The following OSMR variants were observed in gnomAD, a reference collection of about 807,000 sequenced individuals.
OSMR encodes oncostatin-M-specific receptor subunit beta.
Under a neutral mutation model 99.9 loss-of-function variants are expected in OSMR, and 81 were observed. The observed-to-expected ratio is 0.81, with a 90% CI of 0.68 to 0.97. The LOEUF is 0.97. Ranked by LOEUF, OSMR falls within the 50% of genes least tolerant of loss-of-function variation. The pLI is 0.00. For missense variants in OSMR, 1,099 were observed against 1,153.4 expected (o/e 0.95, Z 0.68); for synonymous variants, 406 against 410.4 (o/e 0.99, Z 0.13).
intron 7 of OSMR, among the ~76,000 whole-genome samples, chr5:38,903,090 A>G (rs1414201224): frequency 6.6e-6 from 1 of 152,214 alleles, no homozygotes; most frequent in African/African-American, 2.4e-5. Flanking sequence ...TTGTTCTGTC[A>G]GATTGAATCC....
intron 3 of OSMR, chr5:38,881,378 G>A: frequency 1.8e-6 from 1 of 543,864 alleles, no homozygotes; most frequent in Non-Finnish European, 2.4e-6. Flanking sequence ...AGACCATAGT[G>A]ATTGGAAGCT....
intron 1 of OSMR, among the ~76,000 whole-genome samples, chr5:38,863,020 C>T (rs967067824): frequency 6.6e-6 from 1 of 152,052 alleles, no homozygotes; most frequent in South Asian, 2.1e-4. Flanking sequence ...AAAAACCAGT[C>T]AGGCGTGGCG....
chr5:38,866,770 C>T (rs11957279), intron 1 of OSMR, among the ~76,000 whole-genome samples: 3,110 of 152,252 alleles, frequency 0.02, 120 homozygotes, highest in African/African-American at 0.072. Context: ...AATGCCATCA[C>T]ACAGGCTCCA....
intron 15 of OSMR, among the ~76,000 whole-genome samples, chr5:38,928,680 G>A (rs1746583025): frequency 6.6e-6 from 1 of 152,032 alleles, no homozygotes; most frequent in African/African-American, 2.4e-5. Flanking sequence ...AATTTGGGTG[G>A]GGACACAGCC....
intron 7 of OSMR, 196 bp from the exon 8 acceptor site, chr5:38,903,686 C>A: frequency 3.0e-6 from 2 of 656,828 alleles, no homozygotes; most frequent in Non-Finnish European, 3.8e-6. Flanking sequence ...TTGTTCAATG[C>A]ATGCAGTAGA....
intron 11 of OSMR, chr5:38,919,651 A>G (rs987352433): frequency 7.0e-6 from 2 of 284,010 alleles, no homozygotes; most frequent in East Asian, 9.5e-5. Context: ...AAAAGAGTCA[A>G]CCCCACAGTT....
chr5:38,927,126 TG>T (rs1746508754), intron 15 of OSMR, among the ~76,000 whole-genome samples: 1 of 152,238 alleles, frequency 6.6e-6, no homozygotes, highest in African/African-American at 2.4e-5. Flanking sequence ...GTTCCACCCC[TG>T]TGGCTTTGCA....
exon 3 of OSMR, chr5:38,945,085 TTA>T (rs775477712): frequency 4.5e-6 from 7 of 1,554,464 alleles, no homozygotes; most frequent in African/African-American, 1.4e-5. Flanking sequence ...AAAAAAATAA[TTA>T]TTTCAATTAA....
rs562778138 is a variant in OSMR, at chr5:38,870,850, C to T, written c.73+1733C>T. ...GGCTGTAAGGTGGCTGAAAATTCTC[C>T]AGGTGGGAGAGAGTTTCACAGTGGG... On this transcript the variant is annotated intron_variant, in intron 2 of 17. Transcript: ENST00000274276. 3.3e-5 allele frequency among the ~76,000 whole-genome samples: 5 copies of T among 152,216 alleles called. No homozygotes were observed. The East Asian group carries it at 9.7e-4, about 29-fold the overall frequency.
At chr5:38,889,103 A>AT (rs1035949952) in intron 7 of OSMR, among the ~76,000 whole-genome samples, 2 of 151,164 alleles carry the variant, frequency 1.3e-5, no homozygotes, top group Non-Finnish European at 3.0e-5. Flanking sequence ...TGCCCAGAGG[A>AT]TTTTTTTCTT....
intron 3 of OSMR, among the ~76,000 whole-genome samples, chr5:38,879,252 C>G (rs983550966): frequency 2.0e-5 from 3 of 152,250 alleles, no homozygotes; most frequent in Non-Finnish European, 2.9e-5. Context: ...CCTGAAAGCC[C>G]GCTGTGGTGC....
Position 38,884,759 on chromosome 5 carries a change from C to T in OSMR, c.704-590C>T, listed in dbSNP as rs1412246592. The stretch of plus-strand genomic sequence containing the variant: ...ATTTTTTTATATAGGTTTGTGTGTG[C>T]ACAACTAGTGGCCTCCTGTATTTTG... On this transcript the variant is annotated intron_variant, in intron 5 of 17. Coordinates refer to ENST00000274276, the MANE Select transcript of OSMR (RefSeq NM_003999.3). 2.6e-5 allele frequency among the ~76,000 whole-genome samples: 4 copies of T among 152,060 alleles called. No homozygotes were observed. The East Asian group carries it at 7.7e-4, about 29-fold the overall frequency.
chr5:38,859,756 G>A (rs1192628833), intron 1 of OSMR, among the ~76,000 whole-genome samples: 1 of 151,998 alleles, frequency 6.6e-6, no homozygotes, highest in Non-Finnish European at 1.5e-5. Flanking sequence ...GTTTTCTCCA[G>A]TTTCTTTCAT....
intron 6 of OSMR, chr5:38,885,836 T>C (rs988270991): frequency 6.2e-6 from 6 of 973,800 alleles, no homozygotes; most frequent in Admixed American, 6.2e-5. Flanking sequence ...CAGTGATTCA[T>C]GTTAAGACAT....
chr5:38,933,043 C>G lies in OSMR; in HGVS notation c.2539C>G (p.His847Asp). Reference sequence around the variant, plus strand: ...TTATCTCCTTCCAACAGAAAAGAATCACTCTGGCCCTGGCCCCTGCATCTG... The same window carrying G: ...TTATCTCCTTCCAACAGAAAAGAATGACTCTGGCCCTGGCCCCTGCATCTG... ...YLYLLPTEKN[H>D]SGPGPCICFE... Residue 847 changes from histidine (H) to aspartate (D), a missense_variant, in exon 18 of 18, where the codon CAC (histidine) becomes GAC (aspartate). By Grantham distance (81) the His-to-Asp change is moderately conservative. Transcript: ENST00000274276. 1 of 1,614,160 alleles carries G rather than the reference C, an allele frequency of 6.2e-7. No individual in the cohort carries two copies. Among genetic ancestry groups the G allele is most frequent in the Non-Finnish European group, 8.5e-7 (1 of 1,180,018 alleles).
intron 2 of OSMR, among the ~76,000 whole-genome samples, chr5:38,874,481 G>T (rs938042581): frequency 1.3e-5 from 2 of 152,122 alleles, no homozygotes; most frequent in Admixed American, 1.3e-4. Context: ...CAAATTCTGA[G>T]GTTATGCCTC....
chr5:38,939,335 T>TA (rs998671968), downstream of OSMR: 1 of 232,344 alleles, frequency 4.3e-6, no homozygotes, highest in Non-Finnish European at 8.5e-6. Context: ...AAAGGACTTG[T>TA]ACACATTATG....
chr5:38,850,350 A>C (rs2112011943), intron 1 of OSMR, among the ~76,000 whole-genome samples: 1 of 152,312 alleles, frequency 6.6e-6, no homozygotes, highest in East Asian at 1.9e-4. Context: ...TTTCTTTTAA[A>C]ATTACATGCT....
Position 38,876,322 on chromosome 5 carries a change from G to A in OSMR, c.195G>A (p.Met65Ile). Reference protein sequence around the residue: ...HNLPYHQELKMVFQIQISRIE... With the variant: ...HNLPYHQELKIVFQIQISRIE... ...TTCCTTATCATCAGGAATTGAAAATGGTATTTCAGATCCAGATCAGTAGGA... is the reference window on the plus strand; with the variant it reads ...TTCCTTATCATCAGGAATTGAAAATAGTATTTCAGATCCAGATCAGTAGGA... The change falls in exon 3 of 18, where the codon ATG becomes ATA. Residue 65 changes from methionine to isoleucine, a missense_variant. Coordinates refer to ENST00000274276, the MANE Select transcript of OSMR (RefSeq NM_003999.3). 1 of 1,613,110 alleles carries A rather than the reference G, an allele frequency of 6.2e-7. No homozygotes were observed. The highest frequency in any genetic ancestry group is 8.5e-7 in the Non-Finnish European group (1 of 1,179,324).
Sources: allele counts gnomAD v4.1 joint callset (sites outside exome capture counted in the v4.1 genomes callset), GRCh38; gene constraint gnomAD v4.1.1; transcripts MANE v1.5; gene names NCBI Gene and HGNC (gene_info 2026-07-23, HGNC 2026-07-21).